The following KIF13A variants were observed in gnomAD, a reference collection of about 807,000 sequenced individuals.
KIF13A encodes the protein kinesin-like protein KIF13A.
In KIF13A, 79 loss-of-function variants were observed where a neutral mutation model predicts 212.2. The ratio of observed to expected loss-of-function variants is 0.37; its 90% confidence interval spans 0.31 to 0.45. The LOEUF is 0.45. Ranked by LOEUF, KIF13A falls within the 20% of genes least tolerant of loss-of-function variation. KIF13A has a pLI of 1.00. For synonymous variants in KIF13A, 789 were observed against 808.6 expected, an observed-to-expected ratio of 0.98 and a Z score of 0.41; for missense variants, 1,901 against 2,209.0, an observed-to-expected ratio of 0.86 and a Z score of 2.79.
Position 17,771,584 on chromosome 6 carries a change from C to A in KIF13A, c.4476+324G>T. ...TCTATAAAAAACAAAATCAGAAATC[C>A]CCAAAAAGACAAAAAAGAAAAATAA... On this transcript the variant is annotated intron_variant, in intron 37 of 38. Transcript: ENST00000259711. The surrounding 1 kb of genome is among the most constrained non-coding windows in gnomAD (Gnocchi z 5.4). The A allele has an allele frequency of 6.1e-6, 2 of 330,408 alleles. No homozygotes were observed. Among genetic ancestry groups the A allele is most frequent in the Non-Finnish European group, 1.1e-5 (2 of 182,206 alleles). 20.5% of individuals were successfully genotyped at this position (330,408 alleles called of 1,614,324 possible). A position where few individuals can be genotyped will look rare whatever the true frequency, so the allele number is the denominator to read the frequency against.
In KIF13A at chr6:17,811,448, G is replaced by A. The variant is rs58446366; in HGVS notation, c.2001-2518C>T. Among the ~76,000 whole-genome samples the A allele has an allele frequency of 6.7e-3, 1,026 of 152,268 alleles. 10 individuals carry two copies. The highest frequency in any genetic ancestry group is 0.023 in the African/African-American group (971 of 41,558). On this transcript the variant is annotated intron_variant, in intron 17 of 38. Transcript: ENST00000259711. This position sits in a 1 kb window ranked among gnomAD's most constrained non-coding sequence, Gnocchi z 6.0. Reference sequence around the variant, plus strand: ...ATATATAATCCTAACGTTTCCTATTGTTGAATGAAACTGTTCTTTAATTTT... The same window carrying A: ...ATATATAATCCTAACGTTTCCTATTATTGAATGAAACTGTTCTTTAATTTT...
At chr6:17,760,511 T>C (rs1053354615), downstream of KIF13A, 9 of 283,164 alleles carry the variant, frequency 3.2e-5, no homozygotes, top group Admixed American at 4.8e-5. Context: ...CTGATTAAAA[T>C]TGTACAAGAA....
chr6:17,979,027 G>A (rs941366242), intron 2 of KIF13A, among the ~76,000 whole-genome samples: 2 of 152,344 alleles, frequency 1.3e-5, no homozygotes, highest in East Asian at 3.9e-4. Flanking sequence ...GCTCACGCCT[G>A]TAATCCCAGC....
chr6:17,975,154 G>C (rs961410228), intron 2 of KIF13A, among the ~76,000 whole-genome samples: 34 of 152,190 alleles, frequency 2.2e-4, no homozygotes, highest in African/African-American at 8.2e-4. Context: ...GGCCAGCCTG[G>C]CCAACATAGT....
chr6:17,854,546 A>ATT (rs36073765), intron 6 of KIF13A, among the ~76,000 whole-genome samples: 2,579 of 77,132 alleles, frequency 0.033, 581 homozygotes, highest in African/African-American at 0.078. Context: ...AATCAGTATA[A>ATT]TTTTTTTTTT....
intron 2 of KIF13A, among the ~76,000 whole-genome samples, chr6:17,938,736 C>A (rs1214196130): frequency 1.3e-5 from 2 of 151,940 alleles, no homozygotes; most frequent in Admixed American, 1.3e-4. Context: ...CTCTTTCCTC[C>A]ATTTTCTTCC....
intron 38 of KIF13A, among the ~76,000 whole-genome samples, chr6:17,767,929 G>C (rs996399900): frequency 7.9e-5 from 12 of 152,100 alleles, no homozygotes; most frequent in Non-Finnish European, 1.6e-4. Context: ...AATCTACAAA[G>C]CCCCAAGAGA....
At chr6:17,966,116 C>T (rs574006053) in intron 2 of KIF13A, among the ~76,000 whole-genome samples, 57 of 152,290 alleles carry the variant, frequency 3.7e-4, no homozygotes, top group African/African-American at 1.3e-3. Context: ...ATTGCTTGAA[C>T]CCGGGAGGCA....
In KIF13A at chr6:17,897,764, C is replaced by G. The variant is rs975017764; in HGVS notation, c.159+404G>C. ...ATCAGTAATCACAGTTACCAACTGC[C>G]ATCCTATGATCTTACCATAGTTGTT... On this transcript the variant is annotated intron_variant, in intron 3 of 38. Coordinates refer to ENST00000259711, the MANE Select transcript of KIF13A (RefSeq NM_022113.6). The surrounding 1 kb of genome is among the most constrained non-coding windows in gnomAD (Gnocchi z 4.8). Among the ~76,000 whole-genome samples the G allele has an allele frequency of 6.6e-6, 1 of 152,228 alleles. No individual in the cohort carries two copies. Among genetic ancestry groups the G allele is most frequent in the African/African-American group, 2.4e-5 (1 of 41,462 alleles).
At chr6:17,770,816 A>G in intron 38 of KIF13A, 1 of 918,140 alleles carries the variant, frequency 1.1e-6, no homozygotes, top group Non-Finnish European at 1.4e-6. Flanking sequence ...CACATTAGAA[A>G]GATTTTGGTA....
chr6:17,981,832 G>A (rs568281344), intron 2 of KIF13A, among the ~76,000 whole-genome samples: 1 of 152,214 alleles, frequency 6.6e-6, no homozygotes, highest in African/African-American at 2.4e-5. Flanking sequence ...TTATAATGTG[G>A]AGTATTACTG....
chr6:17,794,523 G>A lies in KIF13A; in HGVS notation c.3075+49C>T. On this transcript the variant is annotated intron_variant, in intron 24 of 38. Transcript: ENST00000259711. This position sits in a 1 kb window ranked among gnomAD's most constrained non-coding sequence, Gnocchi z 4.1. ...AAATCCCCAGAAACAATGTGTAAGAGTGGAACAGAGAGAAAACATTAAAAA... is the reference window on the plus strand; with the variant it reads ...AAATCCCCAGAAACAATGTGTAAGAATGGAACAGAGAGAAAACATTAAAAA... The A allele has an allele frequency of 6.3e-7, 1 of 1,578,490 alleles. No individual in the cohort carries two copies. Among genetic ancestry groups the A allele is most frequent in the Non-Finnish European group, 8.6e-7 (1 of 1,165,008 alleles).
chr6:17,966,243 T>C (rs962911205), intron 2 of KIF13A, among the ~76,000 whole-genome samples: 2 of 152,170 alleles, frequency 1.3e-5, no homozygotes, highest in African/African-American at 4.8e-5. Flanking sequence ...AGTCAACTCA[T>C]AAAAATTATG....
intron 12 of KIF13A, among the ~76,000 whole-genome samples, chr6:17,831,922 G>T (rs927574886): frequency 6.6e-6 from 1 of 151,824 alleles, no homozygotes; most frequent in Non-Finnish European, 1.5e-5. Context: ...ATGAAGTCCC[G>T]TCTTTCATGA....
chr6:17,872,936 G>GTTT lies in KIF13A; in HGVS notation c.220+440_220+441insAAA, dbSNP rs1770161010. The stretch of plus-strand genomic sequence containing the variant: ...CAGATGTGAGCCACCATGCCCGGAC[G>GTTT]AAAAATAAATTTTTAAAAAGATGAA... On this transcript the variant is annotated intron_variant, in intron 4 of 38. Transcript: ENST00000259711. This position sits in a 1 kb window ranked among gnomAD's most constrained non-coding sequence, Gnocchi z 4.7. Among the ~76,000 whole-genome samples, 1 of 151,980 alleles carries GTTT rather than the reference G, an allele frequency of 6.6e-6. No homozygotes were observed. The highest frequency in any genetic ancestry group is 1.5e-5 in the Non-Finnish European group (1 of 67,980).
At chr6:17,929,602 G>T (rs915056559) in intron 2 of KIF13A, among the ~76,000 whole-genome samples, 2 of 152,016 alleles carry the variant, frequency 1.3e-5, no homozygotes, top group Non-Finnish European at 2.9e-5. Context: ...GGGTTTCACC[G>T]TGTTAGCCAG....
At chr6:17,795,450 C>G (rs1428018724) in intron 23 of KIF13A, among the ~76,000 whole-genome samples, 2 of 151,582 alleles carry the variant, frequency 1.3e-5, no homozygotes, top group Non-Finnish European at 2.9e-5. Flanking sequence ...AAAAAATTAT[C>G]CGGGCATGGC....
rs566017340 is a variant in KIF13A, at chr6:17,840,093, G to C, written c.831-2510C>G. 3.9e-5 allele frequency among the ~76,000 whole-genome samples: 6 copies of C among 152,226 alleles called. No homozygotes were observed. In the East Asian group the frequency reaches 9.6e-4, roughly 24 times the overall value. ...TAGGGCTGTGGGTGGGGGTAATAGGGAATGATTTGGATACAAGGTTTCTTT... is the reference window on the plus strand; with the variant it reads ...TAGGGCTGTGGGTGGGGGTAATAGGCAATGATTTGGATACAAGGTTTCTTT... On this transcript the variant is annotated intron_variant, in intron 9 of 38. Coordinates refer to ENST00000259711, the MANE Select transcript of KIF13A (RefSeq NM_022113.6).
chr6:17,885,334 A>C (rs1046631613), intron 3 of KIF13A, among the ~76,000 whole-genome samples: 40 of 152,356 alleles, frequency 2.6e-4, no homozygotes, highest in African/African-American at 7.7e-4. Flanking sequence ...TTTTATTGAC[A>C]GATCTACCTT....
Sources: allele counts gnomAD v4.1 joint callset (sites outside exome capture counted in the v4.1 genomes callset), GRCh38; gene constraint gnomAD v4.1.1; non-coding constraint Gnocchi (gnomAD v3.1); transcripts MANE v1.5; gene names NCBI Gene and HGNC (gene_info 2026-07-23, HGNC 2026-07-21).